Variants in CHM observed in about 807,000 individuals in gnomAD.
CHM encodes CHM Rab escort protein, also known as rab proteins geranylgeranyltransferase component A 1.
A neutral mutation model predicts 49.0 loss-of-function variants in CHM; 10 were observed. The ratio of observed to expected loss-of-function variants is 0.20; its 90% CI spans 0.13 to 0.35. The LOEUF (loss-of-function observed/expected upper bound fraction) is 0.35, where lower values mean the gene tolerates loss of function less well. Among genes scored for constraint, CHM ranks in the 10% least tolerant of loss-of-function variants. The pLI, the probability that CHM is intolerant of heterozygous loss-of-function variation, is 1.00. For synonymous variants in CHM, 184 were observed against 167.5 expected (o/e 1.10, Z -0.76); for missense variants, 455 against 478.4 (o/e 0.95, Z 0.46).
intron 4 of CHM, among the ~76,000 whole-genome samples, chrX:85,975,587 A>C (rs1373212514): frequency 8.9e-6 from 1 of 112,395 alleles, no homozygotes; most frequent in Non-Finnish European, 1.9e-5. Flanking sequence ...CATTTACATA[A>C]TATTCTTAAA....
rs1923554865 is a variant in CHM, at chrX:85,864,335, T to C, written c.*295A>G. On this transcript the variant is annotated 3_prime_UTR_variant, in exon 15 of 15. Coordinates refer to ENST00000357749, the MANE Select transcript of CHM (RefSeq NM_000390.4). ...CCTAAGACCATGGAATTATTAACAA[T>C]GCATAGGATCACTTTCATATCCACA... The C allele has an allele frequency of 1.0e-5, 3 of 297,559 alleles. No homozygotes were observed. Among genetic ancestry groups the C allele is most frequent in the South Asian group, 9.4e-5 (2 of 21,298 alleles). The allele number at this position is 297,559 out of a possible 1,213,427, so 24.5% of individuals were successfully genotyped here.
chrX:85,906,073 G>T (rs780890497), intron 9 of CHM, among the ~76,000 whole-genome samples: 1 of 111,753 alleles, frequency 8.9e-6, no homozygotes, highest in South Asian at 3.8e-4. Context: ...CTGGCAAAAA[G>T]AAAACAAATA....
intron 3 of CHM, among the ~76,000 whole-genome samples, chrX:85,979,479 A>G (rs1441545022): frequency 1.8e-5 from 2 of 111,758 alleles, no homozygotes; most frequent in East Asian, 5.6e-4. Context: ...AAAAAACAAG[A>G]ATGTGTACTA....
chrX:86,039,924 T>C (rs1461933288), intron 1 of CHM, among the ~76,000 whole-genome samples: 1 of 111,763 alleles, frequency 8.9e-6, no homozygotes, highest in Non-Finnish European at 1.9e-5. Flanking sequence ...TCCTGCCCTT[T>C]GCAGCTCCCC....
intron 8 of CHM, among the ~76,000 whole-genome samples, chrX:85,948,570 T>C (rs1327212357): frequency 8.9e-6 from 1 of 112,405 alleles, no homozygotes; most frequent in African/African-American, 3.2e-5. Flanking sequence ...AAATGTCACA[T>C]GCAGAAATCA....
chrX:85,985,393 C>T (rs1049888168), intron 2 of CHM, among the ~76,000 whole-genome samples: 10 of 112,133 alleles, frequency 8.9e-5, no homozygotes, highest in Non-Finnish European at 1.9e-4. Context: ...GTTCTCTGGC[C>T]AAAAGAGATT....
intron 8 of CHM, among the ~76,000 whole-genome samples, chrX:85,940,584 C>T (rs1481289488): frequency 2.2e-4 from 23 of 103,896 alleles, no homozygotes; most frequent in African/African-American, 7.4e-4. Flanking sequence ...TTTTACAATG[C>T]ACAAGACAGC....
intron 2 of CHM, among the ~76,000 whole-genome samples, chrX:86,012,436 T>C (rs1247327077): frequency 1.8e-5 from 2 of 111,337 alleles, no homozygotes; most frequent in African/African-American, 6.5e-5. Context: ...TAATTAAACT[T>C]CCCTGGTATA....
At chrX:85,965,418 C>G (rs1320349179) in intron 4 of CHM, among the ~76,000 whole-genome samples, 2 of 111,318 alleles carry the variant, frequency 1.8e-5, no homozygotes, top group Non-Finnish European at 3.8e-5. Context: ...CCAGTATATC[C>G]TTTATCTTCC....
intron 2 of CHM, among the ~76,000 whole-genome samples, chrX:86,018,074 T>C (rs1276452560): frequency 8.9e-6 from 1 of 112,274 alleles, no homozygotes; most frequent in Non-Finnish European, 1.9e-5. Flanking sequence ...ATAATTGATG[T>C]CATGCAGAGC....
At chrX:86,007,476 C>CT (rs1420799481) in intron 2 of CHM, among the ~76,000 whole-genome samples, 2 of 111,389 alleles carry the variant, frequency 1.8e-5, no homozygotes, top group East Asian at 5.6e-4. Context: ...AACAGGCAAC[C>CT]TACAGAATGG....
At chrX:85,961,418 CAAAAAAA>C (rs1204463688) in intron 5 of CHM, among the ~76,000 whole-genome samples, 4 of 24,360 alleles carry the variant, frequency 1.6e-4, no homozygotes, top group Admixed American at 5.1e-4. Flanking sequence ...GACTCTGTCT[CAAAAAAA>C]AAAAAAAAAA....
At chrX:85,875,204 G>T (rs977887695) in intron 13 of CHM, among the ~76,000 whole-genome samples, 13 of 111,962 alleles carry the variant, frequency 1.2e-4, no homozygotes, top group African/African-American at 3.6e-4. Flanking sequence ...AAACTTTAAA[G>T]AGATATATAA....
At position 85,897,044 on chromosome X, in the gene CHM, A is replaced by C. The variant is rs868580941; in HGVS notation, c.1414-2760T>G. ...AATATATTAATTATATAATAACATAATATATAATACATTACATAATATATT... is the reference window on the plus strand; with the variant it reads ...AATATATTAATTATATAATAACATACTATATAATACATTACATAATATATT... On this transcript the variant is annotated intron_variant, in intron 11 of 14. Transcript: ENST00000357749. Among the ~76,000 whole-genome samples the C allele has an allele frequency of 2.2e-4, 21 of 94,974 alleles. 1 individual carries two copies. The highest frequency in any genetic ancestry group is 8.0e-4 in the African/African-American group (20 of 25,116). The allele number at this position is 94,974 out of a possible 115,157, so 82.5% of individuals were successfully genotyped here. A position where few individuals can be genotyped will look rare whatever the true frequency, so the allele number is the denominator to read the frequency against.
At position 85,952,641 on chromosome X, in the gene CHM, G is replaced by T. The variant is rs1400375884; in HGVS notation, c.1166+3512C>A. 2.7e-5 allele frequency among the ~76,000 whole-genome samples: 3 copies of T among 112,459 alleles called. No homozygotes were observed. In the Admixed American group the frequency reaches 2.8e-4, roughly 11 times the overall value. On this transcript the variant is annotated intron_variant, in intron 8 of 14. Coordinates refer to ENST00000357749, the MANE Select transcript of CHM (RefSeq NM_000390.4). ...TCAGGTGAGACCCAGTACATTCCCA[G>T]CTGTGGTATCTATGGCAAAAGACTT... is the stretch of plus-strand genomic sequence containing the variant.
intron 8 of CHM, among the ~76,000 whole-genome samples, chrX:85,937,954 G>A (rs960541697): frequency 3.6e-5 from 4 of 111,174 alleles, no homozygotes; most frequent in Non-Finnish European, 7.5e-5. Context: ...ATATACTCAT[G>A]AGAGTCACAA....
chrX:85,914,614 C>G (rs527358719), intron 8 of CHM, among the ~76,000 whole-genome samples: 9 of 110,702 alleles, frequency 8.1e-5, no homozygotes, highest in African/African-American at 3.0e-4. Context: ...ACATCAGCGC[C>G]CATGCACACA....
intron 2 of CHM, among the ~76,000 whole-genome samples, chrX:86,003,164 G>A (rs1932782088): frequency 8.9e-6 from 1 of 112,046 alleles, no homozygotes; most frequent in Admixed American, 9.4e-5. Context: ...CTCCAGCTAA[G>A]GGACCTGACT....
Position 86,030,752 on chromosome X carries a change from CCTAA to C in CHM, c.50-3199_50-3196del, listed in dbSNP as rs752601799. On this transcript the variant is annotated intron_variant, in intron 1 of 14. Coordinates refer to ENST00000357749, the MANE Select transcript of CHM (RefSeq NM_000390.4). The stretch of plus-strand genomic sequence containing the variant: ...TGGGTCTTTCAGGGTCTCTAACAAC[CCTAA>C]CTGAGGAGTGCAGAAGACGGAAAAA... Among the ~76,000 whole-genome samples the C allele has an allele frequency of 1.5e-4, 17 of 110,187 alleles. No individual in the cohort carries two copies. The Admixed American group carries it at 1.5e-3, about 10-fold the overall frequency.
Sources: gnomAD v4.1 joint callset for allele counts (sites outside exome capture counted in the v4.1 genomes callset) on GRCh38, gnomAD v4.1.1 for gene constraint, MANE v1.5 for transcripts, NCBI Gene and HGNC (gene_info 2026-07-23, HGNC 2026-07-21) for gene names.